Variants in UGT1A8 observed in about 807,000 individuals in gnomAD.
The protein encoded by UGT1A8 is UDP-glucuronosyltransferase 1A8.
In UGT1A8, 39 loss-of-function variants were observed where a neutral mutation model predicts 45.3. The ratio of observed to expected loss-of-function variants is 0.86; its 90% CI spans 0.67 to 1.12. UGT1A8 has a LOEUF of 1.12. Among genes scored for constraint, UGT1A8 ranks in the 50% most tolerant of loss-of-function variants. The probability of loss-of-function intolerance (pLI) is 0.00; values close to 1 mark genes in which losing one functional copy is unlikely to be tolerated. For missense variants in UGT1A8, 719 were observed against 664.9 expected, an observed-to-expected ratio of 1.08 and a Z score of -0.90; for synonymous variants, 275 against 249.2, an observed-to-expected ratio of 1.10 and a Z score of -0.97.
At chr2:233,693,353 A>C in intron 1 of UGT1A8, 1 of 1,614,132 alleles carries the variant, frequency 6.2e-7, no homozygotes, top group Non-Finnish European at 8.5e-7. Context: ...GAATAACATG[A>C]TTGTTATTGG....
rs556044106 is a variant in UGT1A8, at chr2:233,743,839, C to T, written c.856-23195C>T. ...TTTTGTCGGGGTGCCACTTGAGCGC[C>T]AGCTTGCGGTACGCCTTCTTGATGG... On this transcript the variant is annotated intron_variant, in intron 1 of 4. Coordinates refer to ENST00000373450, the MANE Select transcript of UGT1A8 (RefSeq NM_019076.5). 3 of 1,367,286 alleles carry T rather than the reference C, an allele frequency of 2.2e-6. No individual in the cohort carries two copies. In the South Asian group the frequency reaches 3.4e-5, roughly 16 times the overall value. 84.7% of individuals were successfully genotyped at this position (1,367,286 alleles called of 1,614,324 possible).
At chr2:233,636,712 T>C in intron 1 of UGT1A8, 1 of 1,614,138 alleles carries the variant, frequency 6.2e-7, no homozygotes, top group South Asian at 1.1e-5. Flanking sequence ...AGAGGTGAGT[T>C]GGCAACTGGA....
At chr2:233,642,017 A>G (rs1390190385) in intron 1 of UGT1A8, among the ~76,000 whole-genome samples, 1 of 152,172 alleles carries the variant, frequency 6.6e-6, no homozygotes, top group Admixed American at 6.5e-5. Context: ...GGTGTTCTCT[A>G]GCCTTCTCAT....
intron 1 of UGT1A8, chr2:233,743,939 C>T: frequency 7.4e-7 from 1 of 1,355,422 alleles, no homozygotes; most frequent in Non-Finnish European, 9.9e-7. Context: ...GAACGGCCCA[C>T]CAGGCACTGG....
intron 1 of UGT1A8, among the ~76,000 whole-genome samples, chr2:233,718,215 G>A (rs2076640910): frequency 1.3e-5 from 2 of 152,122 alleles, no homozygotes; most frequent in African/African-American, 4.8e-5. Context: ...TATATTGACA[G>A]CCACTTCAGA....
intron 1 of UGT1A8, among the ~76,000 whole-genome samples, chr2:233,649,324 GATCCTCCT>G (rs1054054233): frequency 6.6e-6 from 1 of 152,142 alleles, no homozygotes; most frequent in Non-Finnish European, 1.5e-5. Context: ...GGGCTCAAGT[GATCCTCCT>G]ATCTAAGCCT....
chr2:233,684,179 T>C (rs564811964), intron 1 of UGT1A8, among the ~76,000 whole-genome samples: 4 of 152,296 alleles, frequency 2.6e-5, no homozygotes, highest in African/African-American at 4.8e-5. Flanking sequence ...GGCAGATGTT[T>C]GGTGAAAGAG....
At chr2:233,701,716 A>G (rs1379705322) in intron 1 of UGT1A8, among the ~76,000 whole-genome samples, 3 of 152,238 alleles carry the variant, frequency 2.0e-5, no homozygotes, top group Admixed American at 2.0e-4. Context: ...AACTACATGG[A>G]AACTGAACAA....
At position 233,664,807 on chromosome 2, in the gene UGT1A8, C is replaced by G. The variant is rs188537944; in HGVS notation, c.855+46245C>G. ...CAAATATCCAAGCTATAACACTGAACTGTGATTTGACATTTTCATTTGTCT... is the reference window on the plus strand; with the variant it reads ...CAAATATCCAAGCTATAACACTGAAGTGTGATTTGACATTTTCATTTGTCT... On this transcript the variant is annotated intron_variant, in intron 1 of 4. Transcript: ENST00000373450. Among the ~76,000 whole-genome samples the G allele has an allele frequency of 2.4e-4, 36 of 152,326 alleles. No homozygotes were observed. In the East Asian group the frequency reaches 6.8e-3, roughly 29 times the overall value.
chr2:233,757,542 ATATATATATATATATATATG>A (rs1365992052), intron 1 of UGT1A8, among the ~76,000 whole-genome samples: 3 of 116,804 alleles, frequency 2.6e-5, no homozygotes, highest in East Asian at 2.1e-4. Context: ...AGGAATATAT[ATATATATATATATATATATG>A]TATATATGAT....
intron 1 of UGT1A8, chr2:233,636,530 G>A (rs754658257): frequency 1.2e-5 from 19 of 1,612,268 alleles, no homozygotes; most frequent in African/African-American, 6.7e-5. Flanking sequence ...CTCATGGCTC[G>A]CGCAGGGTGG....
chr2:233,639,826 T>G (rs921739417), intron 1 of UGT1A8, among the ~76,000 whole-genome samples: 15 of 152,380 alleles, frequency 9.8e-5, no homozygotes, highest in African/African-American at 2.6e-4. Context: ...GTATGGTCAT[T>G]CTTTTACATT....
chr2:233,753,853 A>G (rs1695329798), intron 1 of UGT1A8, among the ~76,000 whole-genome samples: 1 of 152,184 alleles, frequency 6.6e-6, no homozygotes, highest in Non-Finnish European at 1.5e-5. Flanking sequence ...TCATTGACCA[A>G]CCACATAACC....
At chr2:233,758,509 A>G (rs1575759497) in intron 1 of UGT1A8, among the ~76,000 whole-genome samples, 1 of 152,232 alleles carries the variant, frequency 6.6e-6, no homozygotes, top group Non-Finnish European at 1.5e-5. Context: ...TAATAAGGAC[A>G]CAACAAAGAG....
intron 1 of UGT1A8, chr2:233,691,778 G>T: frequency 3.3e-6 from 1 of 303,792 alleles, no homozygotes; most frequent in African/African-American, 2.3e-5. Context: ...TTCTCACCAC[G>T]TACTGGCTAG....
At chr2:233,689,006 A>C (rs890693813) in intron 1 of UGT1A8, among the ~76,000 whole-genome samples, 2 of 152,152 alleles carry the variant, frequency 1.3e-5, no homozygotes, top group Non-Finnish European at 2.9e-5. Flanking sequence ...GGGTCTCTTT[A>C]CTTCATAAAC....
intron 1 of UGT1A8, among the ~76,000 whole-genome samples, chr2:233,650,700 T>C (rs1391618674): frequency 6.6e-6 from 1 of 152,240 alleles, no homozygotes; most frequent in Non-Finnish European, 1.5e-5. Context: ...CTTCAATTGC[T>C]GCAGAATTCA....
intron 1 of UGT1A8, among the ~76,000 whole-genome samples, chr2:233,639,020 G>A (rs1252844937): frequency 6.6e-6 from 1 of 152,160 alleles, no homozygotes; most frequent in Non-Finnish European, 1.5e-5. Flanking sequence ...GCCTTCGGCC[G>A]AGTTGAGGAT....
intron 1 of UGT1A8, among the ~76,000 whole-genome samples, chr2:233,756,691 G>C (rs1044916114): frequency 6.6e-6 from 1 of 152,108 alleles, no homozygotes; most frequent in Non-Finnish European, 1.5e-5. Flanking sequence ...ATATAATGAC[G>C]ATGAATTTTG....
Sources: gnomAD v4.1 joint callset for allele counts (sites outside exome capture counted in the v4.1 genomes callset) on GRCh38, gnomAD v4.1.1 for gene constraint, MANE v1.5 for transcripts, NCBI Gene and HGNC (gene_info 2026-07-23, HGNC 2026-07-21) for gene names.